PDSS2: variants seen among roughly 807,000 people sequenced by gnomAD.
The protein encoded by PDSS2 is all trans-polyprenyl-diphosphate synthase PDSS2.
A neutral mutation model predicts 44.5 loss-of-function variants in PDSS2; 31 were observed. The observed-to-expected ratio is 0.70, with a 90% CI of 0.52 to 0.94. The LOEUF is 0.94. Ranked by LOEUF, PDSS2 falls within the 40% of genes least tolerant of loss-of-function variation. The pLI, the probability that PDSS2 is intolerant of heterozygous loss-of-function variation, is 0.00. For synonymous variants in PDSS2, 157 were observed against 180.3 expected, an observed-to-expected ratio of 0.87 and a Z score of 1.03; for missense variants, 452 against 482.2, an observed-to-expected ratio of 0.94 and a Z score of 0.59.
In PDSS2 at chr6:107,335,161, C is replaced by CAA. The variant is rs765731620; in HGVS notation, c.297-831_297-830dup. ...GGGAGACGGATTGAGACTCTGTTTC[C>CAA]AAAAAAAAAAAAAAAAAAAAAAAGT... is the stretch of plus-strand genomic sequence containing the variant. On this transcript the variant is annotated intron_variant, in intron 1 of 7. Transcript: ENST00000369037. Among the ~76,000 whole-genome samples the CAA allele has an allele frequency of 2.9e-3, 185 of 63,996 alleles. 3 individuals carry two copies. Among genetic ancestry groups the CAA allele is most frequent in the African/African-American group, 0.01 (165 of 16,478 alleles). The allele number at this position is 63,996 out of a possible 152,430, so 42.0% of individuals were successfully genotyped here.
At chr6:107,432,528 T>C (rs1022750536) in intron 1 of PDSS2, among the ~76,000 whole-genome samples, 2 of 152,174 alleles carry the variant, frequency 1.3e-5, no homozygotes, top group Non-Finnish European at 2.9e-5. Flanking sequence ...CGGTGGCTCA[T>C]GCCTGTGATC....
At chr6:107,264,571 T>TC in intron 3 of PDSS2, 1 of 1,049,706 alleles carries the variant, frequency 9.5e-7, no homozygotes. Context: ...GGCTTATCAT[T>TC]ATATATGTAA....
chr6:107,156,036 C>A (rs1322231296), intron 7 of PDSS2, among the ~76,000 whole-genome samples: 2 of 148,844 alleles, frequency 1.3e-5, no homozygotes, highest in African/African-American at 5.0e-5. Context: ...ATTACAGGCG[C>A]CTGCCACCAC....
chr6:107,374,134 A>T (rs566002294), intron 1 of PDSS2, among the ~76,000 whole-genome samples: 65 of 151,848 alleles, frequency 4.3e-4, no homozygotes, highest in Non-Finnish European at 8.5e-4. Context: ...CCCGCCTGTA[A>T]TCCCAGCTGC....
intron 1 of PDSS2, among the ~76,000 whole-genome samples, chr6:107,396,678 CTTTTTTT>C (rs950671310): frequency 3.4e-4 from 27 of 79,334 alleles, no homozygotes; most frequent in African/African-American, 1.0e-3. Flanking sequence ...CTTCTTTTTT[CTTTTTTT>C]TTTTTTTTTT....
intron 6 of PDSS2, among the ~76,000 whole-genome samples, chr6:107,194,901 C>A (rs191239719): frequency 5.9e-5 from 9 of 152,018 alleles, no homozygotes; most frequent in Non-Finnish European, 1.3e-4. Flanking sequence ...CTGCAGTGGG[C>A]TGAGATCATG....
At chr6:107,397,706 T>C (rs1335105707) in intron 1 of PDSS2, among the ~76,000 whole-genome samples, 1 of 152,184 alleles carries the variant, frequency 6.6e-6, no homozygotes, top group East Asian at 1.9e-4. Flanking sequence ...CTAAAATAAA[T>C]GCAGTAAGAA....
intron 1 of PDSS2, among the ~76,000 whole-genome samples, chr6:107,414,600 T>C (rs1780603086): frequency 6.6e-6 from 1 of 152,254 alleles, no homozygotes; most frequent in Non-Finnish European, 1.5e-5. Context: ...TCAGAAATAC[T>C]TCCTTCTGCA....
At chr6:107,344,241 A>T (rs1363792003) in intron 1 of PDSS2, among the ~76,000 whole-genome samples, 2 of 152,124 alleles carry the variant, frequency 1.3e-5, no homozygotes, top group Admixed American at 6.5e-5. Flanking sequence ...TTACTCAGTT[A>T]TAAAAGAAAA....
At chr6:107,217,159 A>G (rs1200687820) in intron 4 of PDSS2, among the ~76,000 whole-genome samples, 1 of 152,238 alleles carries the variant, frequency 6.6e-6, no homozygotes, top group African/African-American at 2.4e-5. Flanking sequence ...CCTATCACAG[A>G]CAAACGGCGA....
chr6:107,322,589 A>T (rs1449050388), intron 2 of PDSS2, among the ~76,000 whole-genome samples: 1 of 152,146 alleles, frequency 6.6e-6, no homozygotes, highest in Non-Finnish European at 1.5e-5. Context: ...TCATGCCTGT[A>T]ATCCCAGCAC....
chr6:107,199,395 G>T (rs967654374), intron 6 of PDSS2, among the ~76,000 whole-genome samples: 2 of 152,234 alleles, frequency 1.3e-5, no homozygotes, highest in Non-Finnish European at 2.9e-5. Flanking sequence ...CAACCTCTCA[G>T]GTTCAAGTGA....
intron 1 of PDSS2, among the ~76,000 whole-genome samples, chr6:107,342,517 A>T (rs557320472): frequency 2.0e-5 from 3 of 152,320 alleles, no homozygotes; most frequent in African/African-American, 7.2e-5. Flanking sequence ...TGCCGTATCA[A>T]AGGGTCTATT....
intron 1 of PDSS2, among the ~76,000 whole-genome samples, chr6:107,374,235 C>T (rs992062524): frequency 1.2e-4 from 14 of 120,552 alleles, no homozygotes; most frequent in African/African-American, 4.4e-4. Context: ...GCCTGGGTGA[C>T]AGAGCAAGAC....
intron 4 of PDSS2, among the ~76,000 whole-genome samples, chr6:107,222,116 T>A (rs1469552404): frequency 6.6e-6 from 1 of 152,218 alleles, no homozygotes; most frequent in Non-Finnish European, 1.5e-5. Flanking sequence ...GTTAAATGTT[T>A]GCTTTGAATT....
At chr6:107,360,099 T>C (rs934273848) in intron 1 of PDSS2, among the ~76,000 whole-genome samples, 2 of 152,180 alleles carry the variant, frequency 1.3e-5, no homozygotes, top group African/African-American at 2.4e-5. Context: ...GGGCAAAGAA[T>C]TGTCATAAAA....
In PDSS2 at chr6:107,411,779, T is replaced by C. The variant is rs1780501346; in HGVS notation, c.296+47211A>G. Among the ~76,000 whole-genome samples, 5 of 151,956 alleles carry C rather than the reference T, an allele frequency of 3.3e-5. No individual in the cohort carries two copies. The South Asian group carries it at 1.0e-3, about 32-fold the overall frequency. ...ATACACAATACTACTTCATTTTATA[T>C]AACGGAATTGAGCATCTATGGATGT... On this transcript the variant is annotated intron_variant, in intron 1 of 7. Transcript: ENST00000369037.
At chr6:107,430,780 G>C (rs142133226) in intron 1 of PDSS2, among the ~76,000 whole-genome samples, 75 of 151,944 alleles carry the variant, frequency 4.9e-4, no homozygotes, top group Middle Eastern at 3.4e-3. Context: ...CTGCACTCCA[G>C]CCTGGGAGAC....
chr6:107,191,263 T>G (rs1445279571), intron 7 of PDSS2, among the ~76,000 whole-genome samples: 1 of 152,078 alleles, frequency 6.6e-6, no homozygotes, highest in Non-Finnish European at 1.5e-5. Context: ...CTCTGGCTGG[T>G]AAAGATCTGT....
Sources: allele counts gnomAD v4.1 joint callset (sites outside exome capture counted in the v4.1 genomes callset), GRCh38; gene constraint gnomAD v4.1.1; transcripts MANE v1.5; gene names NCBI Gene and HGNC (gene_info 2026-07-23, HGNC 2026-07-21).